The following TANK variants were observed in gnomAD, a reference collection of about 807,000 sequenced individuals.
TANK encodes the protein TRAF family member-associated NF-kappa-B activator.
Under a neutral mutation model 43.6 loss-of-function variants are expected in TANK, and 15 were observed. The ratio of observed to expected loss-of-function variants is 0.34; its 90% CI spans 0.23 to 0.53. The LOEUF is 0.53. Ranked by LOEUF, TANK falls within the 20% of genes least tolerant of loss-of-function variation. The pLI, the probability that TANK is intolerant of heterozygous loss-of-function variation, is 0.94. For missense variants in TANK, 417 were observed against 498.6 expected (o/e 0.84, Z 1.56); for synonymous variants, 162 against 178.2 (o/e 0.91, Z 0.73).
intron 2 of TANK, among the ~76,000 whole-genome samples, chr2:161,185,452 T>C (rs936356391): frequency 6.6e-6 from 1 of 151,838 alleles, no homozygotes. Flanking sequence ...AGAAGATAAA[T>C]AGAGTGATAA....
chr2:161,202,002 AC>A (rs1686434648), intron 2 of TANK, among the ~76,000 whole-genome samples: 1 of 152,170 alleles, frequency 6.6e-6, no homozygotes, highest in African/African-American at 2.4e-5. Context: ...TGTATAAGTT[AC>A]TTAATCCATA....
chr2:161,143,248 T>C (rs552979010), intron 1 of TANK, among the ~76,000 whole-genome samples: 2 of 152,304 alleles, frequency 1.3e-5, no homozygotes, highest in African/African-American at 2.4e-5. Flanking sequence ...TTTCTAAATA[T>C]AGACTCATAT....
chr2:161,149,707 C>A (rs537069820), intron 1 of TANK, among the ~76,000 whole-genome samples: 9 of 148,576 alleles, frequency 6.1e-5, no homozygotes, highest in African/African-American at 2.2e-4. Context: ...TGGTTTTTTT[C>A]AAATGCCTTT....
At chr2:161,162,157 C>A (rs1271776132) in intron 1 of TANK, among the ~76,000 whole-genome samples, 2 of 152,118 alleles carry the variant, frequency 1.3e-5, no homozygotes, top group Non-Finnish European at 2.9e-5. Flanking sequence ...GTACATGCAT[C>A]TTTTCTTTAG....
At chr2:161,194,979 A>G (rs773479787) in intron 2 of TANK, among the ~76,000 whole-genome samples, 1 of 152,136 alleles carries the variant, frequency 6.6e-6, no homozygotes, top group Non-Finnish European at 1.5e-5. Context: ...GTTTCTGATC[A>G]AAGCTTTATT....
intron 4 of TANK, chr2:161,212,523 C>T (rs1686938459): frequency 1.0e-6 from 1 of 985,158 alleles, no homozygotes; most frequent in African/African-American, 1.7e-5. Context: ...CATCATCTTA[C>T]AGTTTTTGCT....
chr2:161,219,493 G>T (rs1410754235), intron 4 of TANK, among the ~76,000 whole-genome samples: 2 of 152,164 alleles, frequency 1.3e-5, no homozygotes, highest in African/African-American at 4.8e-5. Context: ...TGCTTTGCTA[G>T]ATTTTCAGGA....
At chr2:161,217,375 C>T (rs570159979) in intron 4 of TANK, among the ~76,000 whole-genome samples, 1 of 152,284 alleles carries the variant, frequency 6.6e-6, no homozygotes, top group South Asian at 2.1e-4. Flanking sequence ...GTTATGATCT[C>T]ATTCTCCTTC....
At chr2:161,178,050 C>G (rs1052631667) in intron 1 of TANK, among the ~76,000 whole-genome samples, 4 of 152,062 alleles carry the variant, frequency 2.6e-5, no homozygotes, top group Non-Finnish European at 4.4e-5. Flanking sequence ...AATTGGAACC[C>G]TTATACAATG....
intron 2 of TANK, among the ~76,000 whole-genome samples, chr2:161,192,302 G>A (rs1233376603): frequency 6.6e-6 from 1 of 152,146 alleles, no homozygotes; most frequent in Admixed American, 6.6e-5. Context: ...TTGCAAGAGA[G>A]TAATGAGTTT....
intron 1 of TANK, among the ~76,000 whole-genome samples, chr2:161,145,025 T>C (rs1304855034): frequency 6.6e-6 from 1 of 152,122 alleles, no homozygotes; most frequent in Non-Finnish European, 1.5e-5. Flanking sequence ...CTCTTCTTGT[T>C]GCATTGATCC....
At chr2:161,159,550 A>T (rs1456876272), upstream of TANK, among the ~76,000 whole-genome samples, 1 of 152,238 alleles carries the variant, frequency 6.6e-6, no homozygotes, top group Non-Finnish European at 1.5e-5. Flanking sequence ...GACTTTTAAA[A>T]GTATACAGCA....
intron 6 of TANK, chr2:161,227,226 T>C (rs937422112): frequency 2.6e-5 from 4 of 152,256 alleles, no homozygotes. Flanking sequence ...TTAATGTGGC[T>C]GAGTTTTATG....
intron 1 of TANK, among the ~76,000 whole-genome samples, chr2:161,169,303 T>C (rs1684837691): frequency 6.6e-6 from 1 of 152,106 alleles, no homozygotes; most frequent in Non-Finnish European, 1.5e-5. Context: ...TTAGTGATAA[T>C]AGGAAACAAA....
chr2:161,163,753 A>G (rs1684548108), intron 1 of TANK, among the ~76,000 whole-genome samples: 1 of 152,226 alleles, frequency 6.6e-6, no homozygotes, highest in South Asian at 2.1e-4. Context: ...ACATGCTTAT[A>G]CTTATTTAAC....
At chr2:161,153,083 T>G (rs985237685) in intron 1 of TANK, among the ~76,000 whole-genome samples, 4 of 152,064 alleles carry the variant, frequency 2.6e-5, no homozygotes, top group African/African-American at 9.7e-5. Flanking sequence ...ATTCTCTGAC[T>G]CTTTCTTCTG....
intron 2 of TANK, chr2:161,197,259 C>T (rs181989458): frequency 4.6e-4 from 70 of 152,270 alleles, no homozygotes; most frequent in Admixed American, 4.5e-3. Context: ...AATCTTTAAT[C>T]GTTTAGTCCA....
In TANK at chr2:161,203,488, CTG is replaced by C; in HGVS notation, c.102_103del (p.Asn36LeufsTer2). Reference sequence around the variant, plus strand: ...GCTAACTGGTTTTTATGTCAGCAGACTGAGAACTATGAGCAGAGAATACGTGA... The same window carrying C: ...GCTAACTGGTTTTTATGTCAGCAGACAGAACTATGAGCAGAGAATACGTGA... On this transcript the variant is annotated frameshift_variant and splice_region_variant, in exon 3 of 8. Transcript: ENST00000392749. LOFTEE classifies it high-confidence loss of function. The C allele has an allele frequency of 6.2e-7, 1 of 1,606,054 alleles. No individual in the cohort carries two copies. Among genetic ancestry groups the C allele is most frequent in the Non-Finnish European group, 8.5e-7 (1 of 1,176,652 alleles).
intron 4 of TANK, chr2:161,211,931 G>T (rs1202194299): frequency 1.2e-5 from 12 of 979,648 alleles, no homozygotes; most frequent in Non-Finnish European, 1.5e-5. Flanking sequence ...TAATGCTTCT[G>T]TATTACTCCT....
Sources: gnomAD v4.1 joint callset for allele counts (sites outside exome capture counted in the v4.1 genomes callset) on GRCh38, gnomAD v4.1.1 for gene constraint, MANE v1.5 for transcripts, NCBI Gene and HGNC (gene_info 2026-07-23, HGNC 2026-07-21) for gene names.